The following CAPS2 variants were observed in gnomAD, a reference collection of about 807,000 sequenced individuals.
CAPS2 encodes the protein calcyphosine 2, also known as calcyphosin-2.
A neutral mutation model predicts 86.5 loss-of-function variants in CAPS2; 98 were observed. The observed-to-expected ratio is 1.13, with a 90% CI of 0.96 to 1.34. CAPS2 has a LOEUF of 1.34. Among genes scored for constraint, CAPS2 ranks in the 40% most tolerant of loss-of-function variants. CAPS2 has a pLI of 0.00. For synonymous variants in CAPS2, 210 were observed against 225.1 expected (o/e 0.93, Z 0.60); for missense variants, 729 against 686.8 (o/e 1.06, Z -0.69).
chr12:75,325,056 C>T (rs924497759), intron 2 of CAPS2, among the ~76,000 whole-genome samples, 183 bp downstream of exon 3: 1 of 151,890 alleles, frequency 6.6e-6, no homozygotes, highest in Admixed American at 6.6e-5. Context: ...ATAATTCTAC[C>T]ATCTTATCAC....
chr12:75,380,778 C>T (rs1406358960), intron 1 of CAPS2, among the ~76,000 whole-genome samples: 1 of 152,006 alleles, frequency 6.6e-6, no homozygotes, highest in African/African-American at 2.4e-5. Flanking sequence ...AATTTTTATT[C>T]CTTGAACTAC....
At chr12:75,357,385 G>A (rs2043221857) in intron 1 of CAPS2, among the ~76,000 whole-genome samples, 7 of 152,040 alleles carry the variant, frequency 4.6e-5, no homozygotes, top group Admixed American at 4.6e-4. Context: ...CAATATTACT[G>A]TAAAGAGAAT....
At chr12:75,299,004 A>C (rs896759034) in intron 9 of CAPS2, 38 bp from the exon 10 acceptor site, 13 of 1,327,526 alleles carry the variant, frequency 9.8e-6, no homozygotes, top group Non-Finnish European at 1.4e-5. Flanking sequence ...CTTCAAATAG[A>C]ATAATTTTTA....
chr12:75,279,833 G>GTTTATGTTTTC (rs1479667977), intron 16 of CAPS2, among the ~76,000 whole-genome samples: 1 of 151,934 alleles, frequency 6.6e-6, no homozygotes, highest in Non-Finnish European at 1.5e-5. Flanking sequence ...AATTAATCAA[G>GTTTATGTTTTC]ATCCAAACTA....
At chr12:75,360,351 G>T (rs1261815455) in intron 1 of CAPS2, 1 of 152,108 alleles carries the variant, frequency 6.6e-6, no homozygotes, top group African/African-American at 2.4e-5. Context: ...TCTGAGAAAA[G>T]GCAAGTCCCT....
chr12:75,303,556 C>T (rs1402759594), intron 8 of CAPS2, among the ~76,000 whole-genome samples: 1 of 152,084 alleles, frequency 6.6e-6, no homozygotes. Flanking sequence ...TTTGATAATT[C>T]CTATGTTGTG....
exon 17 of CAPS2, chr12:75,278,933 T>C (rs780643210): frequency 1.9e-6 from 3 of 1,603,280 alleles, no homozygotes; most frequent in Admixed American, 3.5e-5. Flanking sequence ...AAAGTCTTCA[T>C]CATCTACTAT....
intron 1 of CAPS2, among the ~76,000 whole-genome samples, chr12:75,381,519 G>A (rs1412867301): frequency 1.7e-5 from 2 of 117,168 alleles, no homozygotes; most frequent in African/African-American, 3.3e-5. Context: ...CAACTACACT[G>A]TTATTTAGAC....
At chr12:75,338,822 G>C (rs1354329537) in intron 1 of CAPS2, among the ~76,000 whole-genome samples, 1 of 135,948 alleles carries the variant, frequency 7.4e-6, no homozygotes, top group Non-Finnish European at 1.7e-5. Context: ...TCATTGTTCA[G>C]CTCCCACTTA....
chr12:75,334,632 A>G, upstream of CAPS2: 2 of 1,534,396 alleles, frequency 1.3e-6, no homozygotes, highest in Non-Finnish European at 1.7e-6. Context: ...GATGGAGCCA[A>G]GGGAGAGCGT....
intron 5 of CAPS2, among the ~76,000 whole-genome samples, chr12:75,320,658 C>T (rs1215273064): frequency 6.6e-6 from 1 of 151,830 alleles, no homozygotes; most frequent in Non-Finnish European, 1.5e-5. Context: ...CAGGAAAATG[C>T]TAAGCAAATA....
At chr12:75,364,783 T>A (rs1292616770) in intron 1 of CAPS2, 1 of 152,216 alleles carries the variant, frequency 6.6e-6, no homozygotes, top group Non-Finnish European at 1.5e-5. Context: ...TTTTGTTGTC[T>A]TTAGTAATGT....
chr12:75,300,470 G>A (rs1031349657), intron 8 of CAPS2, among the ~76,000 whole-genome samples: 1 of 147,850 alleles, frequency 6.8e-6, no homozygotes, highest in African/African-American at 2.5e-5. Context: ...GCAGGAGAAT[G>A]GCGTGAACCC....
chr12:75,318,205 C>T (rs1267613432), intron 5 of CAPS2: 3 of 152,134 alleles, frequency 2.0e-5, no homozygotes, highest in Non-Finnish European at 4.4e-5. Context: ...CTTCTTAGCC[C>T]TACCTTCAGA....
At chr12:75,285,211 T>C (rs1470330532) in intron 14 of CAPS2, 131 bp from the exon 15 acceptor site, 1 of 838,756 alleles carries the variant, frequency 1.2e-6, no homozygotes, top group East Asian at 3.1e-5. Flanking sequence ...TTGAAGAAGC[T>C]ACATAAAAAT....
chr12:75,304,776 T>C, exon 8 of CAPS2: 1 of 1,599,060 alleles, frequency 6.3e-7, no homozygotes, highest in South Asian at 1.1e-5. Flanking sequence ...TGTAGTGTTC[T>C]TTTTCTAAAT....
upstream of CAPS2, among the ~76,000 whole-genome samples, chr12:75,329,069 C>T (rs2041054151): frequency 6.6e-6 from 1 of 152,222 alleles, no homozygotes; most frequent in Non-Finnish European, 1.5e-5. Flanking sequence ...GTGAACTGTA[C>T]TTCGCTAAAT....
chr12:75,329,931 A>C, upstream of CAPS2: 1 of 1,408,430 alleles, frequency 7.1e-7, no homozygotes, highest in Non-Finnish European at 9.8e-7. Context: ...ATTTCACCTA[A>C]CAAGCTCGGT....
intron 6 of CAPS2, among the ~76,000 whole-genome samples, chr12:75,315,374 C>A (rs1055300922): frequency 2.0e-5 from 3 of 152,192 alleles, no homozygotes; most frequent in South Asian, 4.2e-4. Flanking sequence ...TGATAATATT[C>A]ATTCTATTAA....
Sources: gnomAD v4.1 joint callset for allele counts (sites outside exome capture counted in the v4.1 genomes callset) on GRCh38, gnomAD v4.1.1 for gene constraint, MANE v1.5 for transcripts, NCBI Gene and HGNC (gene_info 2026-07-23, HGNC 2026-07-21) for gene names.